The following MTUS1 variants were observed in gnomAD, a reference collection of about 807,000 sequenced individuals.
MTUS1 encodes microtubule associated scaffold protein 1.
MTUS1 carries 109 observed loss-of-function variants against 120.8 expected under a neutral mutation model. The ratio of observed to expected loss-of-function variants is 0.90; its 90% CI spans 0.77 to 1.06. MTUS1 has a LOEUF of 1.06. Ranked by LOEUF, MTUS1 falls within the 50% of genes least tolerant of loss-of-function variation. The probability of loss-of-function intolerance (pLI) is 0.00; values close to 1 mark genes in which losing one functional copy is unlikely to be tolerated. For synonymous variants in MTUS1, 737 were observed against 550.5 expected (o/e 1.34, Z -4.74); for missense variants, 2,210 against 1,486.3 (o/e 1.49, Z -8.01).
chr8:17,750,754 G>A (rs2048130178), intron 2 of MTUS1, among the ~76,000 whole-genome samples: 2 of 152,204 alleles, frequency 1.3e-5, no homozygotes, highest in South Asian at 2.1e-4. Context: ...CTGACCCAGA[G>A]CAAGCACTGA....
intron 7 of MTUS1, among the ~76,000 whole-genome samples, chr8:17,678,741 C>T (rs1813629916): frequency 8.5e-6 from 1 of 117,456 alleles, no homozygotes; most frequent in African/African-American, 2.9e-5. Context: ...AGGTTAAATT[C>T]CACTTGCAAA....
intron 6 of MTUS1, among the ~76,000 whole-genome samples, chr8:17,686,340 T>C (rs1368898624): frequency 1.3e-5 from 2 of 152,256 alleles, no homozygotes; most frequent in Non-Finnish European, 2.9e-5. Context: ...AATGTAATAA[T>C]ATCTTGCTAT....
chr8:17,727,835 T>C (rs1585995558), intron 3 of MTUS1, among the ~76,000 whole-genome samples: 1 of 152,336 alleles, frequency 6.6e-6, no homozygotes, highest in Non-Finnish European at 1.5e-5. Flanking sequence ...TTGGTTTTTA[T>C]TCTGTAATTA....
At chr8:17,687,959 A>G (rs2130802225) in intron 6 of MTUS1, among the ~76,000 whole-genome samples, 1 of 152,322 alleles carries the variant, frequency 6.6e-6, no homozygotes, top group African/African-American at 2.4e-5. Flanking sequence ...ACCAAAAACA[A>G]TTTTGAGAGA....
chr8:17,781,359 T>C (rs2050862744), intron 1 of MTUS1, among the ~76,000 whole-genome samples: 1 of 152,166 alleles, frequency 6.6e-6, no homozygotes, highest in Non-Finnish European at 1.5e-5. Flanking sequence ...TAAATAATCC[T>C]CCCCTAAATT....
chr8:17,742,269 G>GT (rs1210338239), intron 3 of MTUS1, among the ~76,000 whole-genome samples: 3,171 of 94,672 alleles, frequency 0.033, 90 homozygotes, highest in African/African-American at 0.067. Context: ...ATGCCCAGCT[G>GT]TTTTTTTTTT....
chr8:17,688,046 A>C (rs1299369897), intron 6 of MTUS1, among the ~76,000 whole-genome samples: 1 of 152,216 alleles, frequency 6.6e-6, no homozygotes, highest in Non-Finnish European at 1.5e-5. Flanking sequence ...TAGGCTGAAG[A>C]AGCCACACAT....
chr8:17,724,753 T>C (rs1389694297), intron 3 of MTUS1, among the ~76,000 whole-genome samples: 1 of 152,006 alleles, frequency 6.6e-6, no homozygotes, highest in Non-Finnish European at 1.5e-5. Flanking sequence ...TCTTGGAGAG[T>C]CTATTTTCTC....
intron 6 of MTUS1, among the ~76,000 whole-genome samples, chr8:17,685,023 T>C (rs1197840244): frequency 1.3e-5 from 2 of 152,174 alleles, no homozygotes; most frequent in African/African-American, 4.8e-5. Context: ...GGCCTAGCCA[T>C]TACACAGATT....
chr8:17,769,087 G>C (rs2049804220), intron 1 of MTUS1, among the ~76,000 whole-genome samples: 1 of 152,060 alleles, frequency 6.6e-6, no homozygotes, highest in Non-Finnish European at 1.5e-5. Flanking sequence ...CCCCTAGCTG[G>C]TGATAGCAAA....
At chr8:17,701,219 T>G (rs2130912474) in intron 6 of MTUS1, among the ~76,000 whole-genome samples, 1 of 152,322 alleles carries the variant, frequency 6.6e-6, no homozygotes, top group South Asian at 2.1e-4. Flanking sequence ...CAGCATTAAT[T>G]GCAACATTTT....
At chr8:17,739,191 T>C (rs1329266164) in intron 3 of MTUS1, among the ~76,000 whole-genome samples, 1 of 152,028 alleles carries the variant, frequency 6.6e-6, no homozygotes, top group Non-Finnish European at 1.5e-5. Context: ...AATTAGACTT[T>C]ATTATTAAAA....
chr8:17,646,221 T>TA, intron 14 of MTUS1, 82 bp from the exon 15 acceptor site: 1 of 1,369,282 alleles, frequency 7.3e-7, no homozygotes, highest in Non-Finnish European at 9.7e-7. Context: ...TTTGAAACTT[T>TA]AAAGTCCAAA....
intron 8 of MTUS1, among the ~76,000 whole-genome samples, chr8:17,671,802 G>A (rs376224529): frequency 1.1e-4 from 16 of 152,192 alleles, no homozygotes; most frequent in South Asian, 2.1e-4. Context: ...AACTCCCATC[G>A]CCCCACCCCC....
rs919522958 is a variant in MTUS1 at position 17,660,945 on chromosome 8, C to A, written c.2906-4880G>T. ...ACGGAGGCCAGATTACAGGGGCCAT[C>A]GCACGCAACTCAAGCCTTTGGGACT... On this transcript the variant is annotated intron_variant, in intron 8 of 14. Transcript: ENST00000693296. Among the ~76,000 whole-genome samples the A allele has an allele frequency of 2.6e-5, 4 of 152,150 alleles. No individual in the cohort carries two copies. The East Asian group carries it at 7.7e-4, about 29-fold the overall frequency.
intron 8 of MTUS1, among the ~76,000 whole-genome samples, chr8:17,669,541 G>A (rs1004510938): frequency 2.7e-4 from 41 of 152,244 alleles, no homozygotes; most frequent in Non-Finnish European, 4.9e-4. Flanking sequence ...AGTCTTTTGT[G>A]TTTGTTAAAA....
intron 6 of MTUS1, among the ~76,000 whole-genome samples, chr8:17,690,445 A>T (rs1034610072): frequency 5.9e-5 from 9 of 152,210 alleles, no homozygotes; most frequent in Admixed American, 5.2e-4. Context: ...GGGACTGTGA[A>T]TTAGTACAAT....
chr8:17,715,985 A>G, intron 4 of MTUS1, 84 bp from the exon 5 acceptor site: 1 of 1,314,196 alleles, frequency 7.6e-7, no homozygotes, highest in East Asian at 2.3e-5. Context: ...TCCTTGAACC[A>G]ACAAATGCTC....
At chr8:17,701,531 A>G (rs908080184) in intron 6 of MTUS1, among the ~76,000 whole-genome samples, 2 of 152,178 alleles carry the variant, frequency 1.3e-5, no homozygotes, top group African/African-American at 4.8e-5. Flanking sequence ...TTTAAAAAAC[A>G]AAACCTCATA....
Sources: allele counts gnomAD v4.1 joint callset (sites outside exome capture counted in the v4.1 genomes callset), GRCh38; gene constraint gnomAD v4.1.1; transcripts MANE v1.5; gene names NCBI Gene and HGNC (gene_info 2026-07-23, HGNC 2026-07-21).